ATG5: variants seen among roughly 807,000 people sequenced by gnomAD.
ATG5 encodes autophagy protein 5.
In ATG5, 14 loss-of-function variants were observed where a neutral mutation model predicts 36.5. The observed-to-expected ratio is 0.38, with a 90% CI of 0.25 to 0.60. ATG5 has a LOEUF of 0.60. Ranked by LOEUF, ATG5 falls within the 20% of genes least tolerant of loss-of-function variation. The pLI is 0.60. For missense variants in ATG5, 195 were observed against 326.7 expected (o/e 0.60, Z 3.11); for synonymous variants, 95 against 101.5 (o/e 0.94, Z 0.38).
chr6:106,306,912 A>C (rs1044271018), intron 3 of ATG5, among the ~76,000 whole-genome samples: 2 of 152,228 alleles, frequency 1.3e-5, no homozygotes, highest in African/African-American at 4.8e-5. Context: ...GAACTACACA[A>C]GAAGAATCAG....
intron 6 of ATG5, among the ~76,000 whole-genome samples, chr6:106,246,392 T>TCTCTCACACACA (rs1387498156): frequency 7.7e-6 from 1 of 129,570 alleles, no homozygotes; most frequent in Non-Finnish European, 1.6e-5. Context: ...TCTCTCTCTC[T>TCTCTCACACACA]CACACACACA....
At chr6:106,309,060 A>G (rs1020100592) in intron 2 of ATG5, among the ~76,000 whole-genome samples, 1 of 152,170 alleles carries the variant, frequency 6.6e-6, no homozygotes, top group Non-Finnish European at 1.5e-5. Flanking sequence ...GTGTTTTGGA[A>G]AATCAATTAT....
At chr6:106,202,952 C>A (rs1776491992) in intron 6 of ATG5, among the ~76,000 whole-genome samples, 1 of 152,144 alleles carries the variant, frequency 6.6e-6, no homozygotes, top group South Asian at 2.1e-4. Context: ...CGTGAGCCAA[C>A]CGCTCCTGGC....
chr6:106,208,599 A>C (rs1776730774), intron 6 of ATG5, among the ~76,000 whole-genome samples: 1 of 152,216 alleles, frequency 6.6e-6, no homozygotes, highest in Non-Finnish European at 1.5e-5. Context: ...TACTTTCAAA[A>C]TCAGCCTAGA....
chr6:106,277,675 A>T (rs1470695105), intron 5 of ATG5, among the ~76,000 whole-genome samples: 2 of 152,288 alleles, frequency 1.3e-5, no homozygotes, highest in East Asian at 3.9e-4. Flanking sequence ...TTAGCTGTGC[A>T]TGTTGGCACA....
At chr6:106,319,802 G>A (rs1172758387) in intron 1 of ATG5, among the ~76,000 whole-genome samples, 1 of 152,168 alleles carries the variant, frequency 6.6e-6, no homozygotes, top group Non-Finnish European at 1.5e-5. Context: ...CTGATACTTG[G>A]AATGGTATCT....
chr6:106,318,016 G>A (rs1032203691), intron 1 of ATG5, among the ~76,000 whole-genome samples: 5 of 152,194 alleles, frequency 3.3e-5, no homozygotes, highest in African/African-American at 1.2e-4. Flanking sequence ...AAAATAATTT[G>A]AGACGAAGAG....
At chr6:106,259,894 T>C (rs1435972812) in intron 5 of ATG5, among the ~76,000 whole-genome samples, 1 of 152,120 alleles carries the variant, frequency 6.6e-6, no homozygotes, top group African/African-American at 2.4e-5. Flanking sequence ...ATTAAGACAA[T>C]GTGGCACATA....
At chr6:106,287,323 CA>C (rs924046640) in intron 4 of ATG5, among the ~76,000 whole-genome samples, 1 of 152,196 alleles carries the variant, frequency 6.6e-6, no homozygotes, top group African/African-American at 2.4e-5. Context: ...CAAAAATACT[CA>C]AGGAACAGTC....
At chr6:106,255,724 CT>C (rs1562240017) in intron 5 of ATG5, among the ~76,000 whole-genome samples, 1 of 152,118 alleles carries the variant, frequency 6.6e-6, no homozygotes, top group African/African-American at 2.4e-5. Flanking sequence ...TTCTGTTGTT[CT>C]ATGTGCTTAT....
At chr6:106,192,852 T>C (rs1167688838) in intron 7 of ATG5, among the ~76,000 whole-genome samples, 2 of 152,226 alleles carry the variant, frequency 1.3e-5, no homozygotes, top group Non-Finnish European at 2.9e-5. Flanking sequence ...ACAAATTCTT[T>C]AACCTCTGAT....
At chr6:106,251,691 CAGAAAAAGAAAG>C (rs753786147) in intron 5 of ATG5, among the ~76,000 whole-genome samples, 138 of 38,554 alleles carry the variant, frequency 3.6e-3, no homozygotes, top group African/African-American at 0.012. Context: ...GAAAGAAAGA[CAGAAAAAGAAAG>C]AGAAAAAGAA....
At chr6:106,223,300 C>T (rs1444573328) in intron 6 of ATG5, among the ~76,000 whole-genome samples, 2 of 152,170 alleles carry the variant, frequency 1.3e-5, no homozygotes, top group African/African-American at 2.4e-5. Flanking sequence ...GAAAAAGCAA[C>T]TGAAGTCCTA....
At chr6:106,204,262 A>C (rs1158494470) in intron 6 of ATG5, among the ~76,000 whole-genome samples, 1 of 152,124 alleles carries the variant, frequency 6.6e-6, no homozygotes, top group East Asian at 1.9e-4. Context: ...AAGTAGAAAA[A>C]ATAAACATGT....
intron 5 of ATG5, among the ~76,000 whole-genome samples, chr6:106,261,699 T>C (rs1225376217): frequency 6.6e-6 from 1 of 152,184 alleles, no homozygotes; most frequent in Non-Finnish European, 1.5e-5. Flanking sequence ...CCTAAGAGTA[T>C]GGTGGTAATT....
intron 5 of ATG5, among the ~76,000 whole-genome samples, chr6:106,261,869 T>C (rs143630322): frequency 6.6e-6 from 1 of 152,246 alleles, no homozygotes; most frequent in East Asian, 1.9e-4. Context: ...ATCTAGTCTG[T>C]AGAGGCCAGA....
intron 6 of ATG5, among the ~76,000 whole-genome samples, chr6:106,211,296 G>C (rs1776840777): frequency 6.6e-6 from 1 of 152,206 alleles, no homozygotes; most frequent in African/African-American, 2.4e-5. Context: ...CAATGCACTG[G>C]GTTGTAAAAC....
chr6:106,246,258 C>T (rs188743477), intron 6 of ATG5, among the ~76,000 whole-genome samples: 2 of 152,012 alleles, frequency 1.3e-5, no homozygotes, highest in Admixed American at 6.6e-5. Context: ...GAGGTTCTGC[C>T]GAGAGTCCCC....
At chr6:106,251,954 C>T (rs1410411523) in intron 5 of ATG5, among the ~76,000 whole-genome samples, 1 of 152,008 alleles carries the variant, frequency 6.6e-6, no homozygotes, top group Non-Finnish European at 1.5e-5. Context: ...GGTTCTCCCA[C>T]CTCAGCCTCC....
Sources: gnomAD v4.1 joint callset for allele counts (sites outside exome capture counted in the v4.1 genomes callset) on GRCh38, gnomAD v4.1.1 for gene constraint, MANE v1.5 for transcripts, NCBI Gene and HGNC (gene_info 2026-07-23, HGNC 2026-07-21) for gene names.